LDB2: variants seen among roughly 807,000 people sequenced by gnomAD.
LDB2 encodes LIM domain binding 2.
Under a neutral mutation model 44.3 loss-of-function variants are expected in LDB2, and 12 were observed. The ratio of observed to expected loss-of-function variants is 0.27; its 90% CI spans 0.17 to 0.44. The LOEUF is 0.44. LDB2 is among the 20% of genes least tolerant of loss of function. The pLI is 1.00. For missense variants in LDB2, 344 were observed against 473.5 expected (o/e 0.73, Z 2.54); for synonymous variants, 164 against 174.8 (o/e 0.94, Z 0.49).
chr4:16,746,445 C>A lies in LDB2; in HGVS notation c.235+12713G>T, dbSNP rs543109387. On this transcript the variant is annotated intron_variant, in intron 2 of 7. Coordinates refer to ENST00000304523, the MANE Select transcript of LDB2 (RefSeq NM_001290.5). Reference sequence around the variant, plus strand: ...TATTGGACAGTCTTGATTTTTTTTTCTTTTCCAAAGGGAAAAAGGTAATAA... The same window carrying A: ...TATTGGACAGTCTTGATTTTTTTTTATTTTCCAAAGGGAAAAAGGTAATAA... 6.1e-5 allele frequency among the ~76,000 whole-genome samples: 9 copies of A among 146,648 alleles called. No individual in the cohort carries two copies. The South Asian group carries it at 1.5e-3, about 24-fold the overall frequency.
At chr4:16,768,828 C>A (rs541387228) in intron 1 of LDB2, among the ~76,000 whole-genome samples, 2 of 152,242 alleles carry the variant, frequency 1.3e-5, no homozygotes, top group East Asian at 3.9e-4. Flanking sequence ...AAAACCTCAC[C>A]ATGACCCTAT....
At chr4:16,765,742 A>T (rs1026752451) in intron 1 of LDB2, among the ~76,000 whole-genome samples, 1 of 152,244 alleles carries the variant, frequency 6.6e-6, no homozygotes, top group Admixed American at 6.5e-5. Flanking sequence ...GGGCCAAGAC[A>T]GTGTTCGAGA....
rs1005160695 is a variant in LDB2, at chr4:16,842,787, T to C, written c.132+55567A>G. ...TCTAAAGGAGCGATTTGCGTAGTAGTTAAGAGGTCAGGTTCTGGAACTGGT... is the reference window on the plus strand; with the variant it reads ...TCTAAAGGAGCGATTTGCGTAGTAGCTAAGAGGTCAGGTTCTGGAACTGGT... On this transcript the variant is annotated intron_variant, in intron 1 of 7. Transcript: ENST00000304523. Among the ~76,000 whole-genome samples, 5 of 152,152 alleles carry C rather than the reference T, an allele frequency of 3.3e-5. No individual in the cohort carries two copies. In the East Asian group the frequency reaches 9.6e-4, roughly 29 times the overall value.
At chr4:16,568,971 A>C (rs1745489867) in intron 5 of LDB2, among the ~76,000 whole-genome samples, 1 of 152,198 alleles carries the variant, frequency 6.6e-6, no homozygotes, top group Admixed American at 6.5e-5. Flanking sequence ...GAATTCCAAA[A>C]CTTATGAAGT....
intron 2 of LDB2, among the ~76,000 whole-genome samples, chr4:16,673,326 G>A (rs888602969): frequency 1.4e-4 from 22 of 152,188 alleles, no homozygotes; most frequent in African/African-American, 5.3e-4. Flanking sequence ...TCAAAACACT[G>A]TGGAACTGAA....
intron 2 of LDB2, among the ~76,000 whole-genome samples, chr4:16,624,487 T>C (rs529783899): frequency 1.8e-4 from 28 of 152,328 alleles, no homozygotes; most frequent in South Asian, 1.2e-3. Context: ...GTGCTCGTCA[T>C]TGGATTAAGT....
At chr4:16,711,209 CAGA>C (rs965222950) in intron 2 of LDB2, among the ~76,000 whole-genome samples, 1 of 152,172 alleles carries the variant, frequency 6.6e-6, no homozygotes, top group African/African-American at 2.4e-5. Context: ...TCAGAGAAAA[CAGA>C]AGGAGTTAAC....
At chr4:16,651,662 T>C (rs1300809182) in intron 2 of LDB2, among the ~76,000 whole-genome samples, 1 of 152,062 alleles carries the variant, frequency 6.6e-6, no homozygotes, top group Non-Finnish European at 1.5e-5. Flanking sequence ...GTATTTACAA[T>C]AAATGTGCAG....
rs367619914 is a variant in LDB2 at position 16,588,665 on chromosome 4, A to AG, written c.531+44dup. ...TTTTTCCCCTTGAGTGAAATGAAGG[A>AG]GGAAAAAAAAGAAAAGAAAGCAAAA... is the stretch of plus-strand genomic sequence containing the variant. On this transcript the variant is annotated intron_variant, in intron 4 of 7. Coordinates refer to ENST00000304523, the MANE Select transcript of LDB2 (RefSeq NM_001290.5). The AG allele has an allele frequency of 1.2e-3, 1,936 of 1,598,134 alleles. 23 individuals carry two copies. In the African/African-American group the frequency reaches 0.023, roughly 19 times the overall value.
At chr4:16,796,498 G>A (rs566408604) in intron 1 of LDB2, among the ~76,000 whole-genome samples, 1 of 152,180 alleles carries the variant, frequency 6.6e-6, no homozygotes, top group African/African-American at 2.4e-5. Context: ...ATACATACAT[G>A]GTTGAATAAA....
At chr4:16,652,840 C>A (rs1053585782) in intron 2 of LDB2, among the ~76,000 whole-genome samples, 1 of 152,152 alleles carries the variant, frequency 6.6e-6, no homozygotes, top group Non-Finnish European at 1.5e-5. Flanking sequence ...TTTAGAGAAG[C>A]CTCCATTTGC....
chr4:16,770,155 A>C (rs1579502768), intron 1 of LDB2, among the ~76,000 whole-genome samples: 1 of 152,202 alleles, frequency 6.6e-6, no homozygotes, highest in Admixed American at 6.5e-5. Flanking sequence ...AGTGTGATGA[A>C]ATAATTTTTT....
chr4:16,595,835 C>T lies in LDB2; in HGVS notation c.276G>A (p.Val92=). Residue 92 remains valine, a synonymous_variant, in exon 3 of 8, where the codon GTG becomes GTA. Coordinates refer to ENST00000304523, the MANE Select transcript of LDB2 (RefSeq NM_001290.5). ...RTLIPRYFST[V]FEGGVTDLYY... is the part of the protein sequence containing the mutation. Reference sequence around the variant, plus strand: ...ACAGGTCGGTCACCCCTCCTTCAAACACAGTGCTAAAGTAACGGGGGATGA... The same window carrying T: ...ACAGGTCGGTCACCCCTCCTTCAAATACAGTGCTAAAGTAACGGGGGATGA... 3 of 1,613,614 alleles carry T rather than the reference C, an allele frequency of 1.9e-6. No individual in the cohort carries two copies. The highest frequency in any genetic ancestry group is 1.7e-6 in the Non-Finnish European group (2 of 1,179,796).
At chr4:16,505,981 C>G (rs1719251478) in intron 7 of LDB2, 1 of 1,551,282 alleles carries the variant, frequency 6.4e-7, no homozygotes, top group Non-Finnish European at 8.7e-7. Context: ...CGCTCCTAGC[C>G]CCTGCTCATG....
At chr4:16,749,222 A>T (rs1207606109) in intron 2 of LDB2, among the ~76,000 whole-genome samples, 1 of 148,962 alleles carries the variant, frequency 6.7e-6, no homozygotes, top group African/African-American at 2.6e-5. Context: ...AGCACCAAAG[A>T]CAAAAAATCA....
chr4:16,840,874 G>A (rs1401478149), intron 1 of LDB2, among the ~76,000 whole-genome samples: 2 of 152,194 alleles, frequency 1.3e-5, no homozygotes, highest in Non-Finnish European at 2.9e-5. Context: ...TAACAGGGGT[G>A]ATGCCTCATT....
chr4:16,722,409 CCCTCTCAGGACA>C (rs1490326525), intron 2 of LDB2, among the ~76,000 whole-genome samples: 1 of 152,106 alleles, frequency 6.6e-6, no homozygotes, highest in Non-Finnish European at 1.5e-5. Flanking sequence ...GAACTGGGTG[CCCTCTCAGGACA>C]CCTCTCAGGA....
chr4:16,663,631 T>G (rs1038401633), intron 2 of LDB2, among the ~76,000 whole-genome samples: 3 of 152,216 alleles, frequency 2.0e-5, no homozygotes, highest in African/African-American at 7.2e-5. Flanking sequence ...CCTGTTTACG[T>G]TTGTGTCCTT....
At chr4:16,802,990 G>A (rs1030829767) in intron 1 of LDB2, among the ~76,000 whole-genome samples, 1 of 152,076 alleles carries the variant, frequency 6.6e-6, no homozygotes, top group African/African-American at 2.4e-5. Context: ...GAGACCCCTC[G>A]ACCGCTGTCT....
Sources: gnomAD v4.1 joint callset for allele counts (sites outside exome capture counted in the v4.1 genomes callset) on GRCh38, gnomAD v4.1.1 for gene constraint, MANE v1.5 for transcripts, NCBI Gene and HGNC (gene_info 2026-07-23, HGNC 2026-07-21) for gene names.